NCALD: variants seen among roughly 807,000 people sequenced by gnomAD.
The protein encoded by NCALD is neurocalcin-delta.
A neutral mutation model predicts 18.6 loss-of-function variants in NCALD; 10 were observed. That is an observed-to-expected ratio of 0.54 (90% CI 0.33 to 0.91). The LOEUF (loss-of-function observed/expected upper bound fraction) is 0.91. Ranked by LOEUF, NCALD falls within the 40% of genes least tolerant of loss-of-function variation. The pLI, the probability that NCALD is intolerant of heterozygous loss-of-function variation, is 0.03. For synonymous variants in NCALD, 88 were observed against 87.4 expected (o/e 1.01, Z -0.04); for missense variants, 184 against 247.6 (o/e 0.74, Z 1.72).
At chr8:101,927,341 T>C (rs1329022902) in intron 2 of NCALD, among the ~76,000 whole-genome samples, 2 of 152,118 alleles carry the variant, frequency 1.3e-5, no homozygotes, top group Non-Finnish European at 2.9e-5. Context: ...GGGGGACGGA[T>C]GGAATACAAG....
At chr8:101,947,183 T>C (rs1010548959) in intron 2 of NCALD, among the ~76,000 whole-genome samples, 2 of 152,174 alleles carry the variant, frequency 1.3e-5, no homozygotes, top group Non-Finnish European at 2.9e-5. Flanking sequence ...AAAACAAAAG[T>C]AGACCAGTCA....
At chr8:102,070,064 A>G (rs553857417) in intron 1 of NCALD, 6 of 152,198 alleles carry the variant, frequency 3.9e-5, no homozygotes, top group East Asian at 3.9e-4. Context: ...CAGTGAGCCA[A>G]TATGGCACCA....
intron 1 of NCALD, among the ~76,000 whole-genome samples, chr8:101,734,254 T>C (rs1816976642): frequency 1.3e-5 from 2 of 152,182 alleles, no homozygotes; most frequent in African/African-American, 4.8e-5. Context: ...AACGTTCTCA[T>C]TGCCCTAATT....
chr8:101,710,879 G>C lies in NCALD; in HGVS notation c.378+8373C>G, dbSNP rs141825748. On this transcript the variant is annotated intron_variant, in intron 2 of 3. Transcript: ENST00000220931. ...CATTCCTGCCTGACAGCTCTGAAGA[G>C]AGCAGCGATCTCCCAGCACAGTGCT... Among the ~76,000 whole-genome samples, 378 of 152,330 alleles carry C rather than the reference G, an allele frequency of 2.5e-3. 6 individuals are homozygous for C. The highest frequency in any genetic ancestry group is 5.2e-3 in the Admixed American group (80 of 15,310).
chr8:102,091,295 T>G (rs950143325), intron 1 of NCALD, among the ~76,000 whole-genome samples: 1 of 152,044 alleles, frequency 6.6e-6, no homozygotes, highest in African/African-American at 2.4e-5. Context: ...CTAGTAAAAA[T>G]GGGAAACTGG....
At chr8:102,041,039 A>C (rs748301574) in intron 1 of NCALD, among the ~76,000 whole-genome samples, 1 of 152,192 alleles carries the variant, frequency 6.6e-6, no homozygotes, top group African/African-American at 2.4e-5. Context: ...AGACCTTCTC[A>C]GTCATCTCTC....
chr8:101,789,610 C>T (rs775538117), intron 1 of NCALD, among the ~76,000 whole-genome samples: 12 of 152,076 alleles, frequency 7.9e-5, no homozygotes, highest in East Asian at 1.9e-4. Context: ...CACTAAATTA[C>T]GATATAATTC....
At chr8:101,976,010 C>T (rs1425893261) in intron 2 of NCALD, among the ~76,000 whole-genome samples, 1 of 152,078 alleles carries the variant, frequency 6.6e-6, no homozygotes, top group African/African-American at 2.4e-5. Flanking sequence ...GAAAAGTATG[C>T]ACTCCCCCAG....
At chr8:101,990,331 T>C (rs1425196762) in intron 2 of NCALD, among the ~76,000 whole-genome samples, 1 of 152,122 alleles carries the variant, frequency 6.6e-6, no homozygotes, top group Non-Finnish European at 1.5e-5. Flanking sequence ...GGGAGGGAGA[T>C]AGCATTCCAC....
chr8:101,906,497 A>C (rs892501076), intron 3 of NCALD, among the ~76,000 whole-genome samples: 2 of 152,204 alleles, frequency 1.3e-5, no homozygotes, highest in African/African-American at 4.8e-5. Flanking sequence ...CACAAAAACA[A>C]ATGGGTGGGC....
chr8:101,894,315 G>A (rs1282377606), intron 3 of NCALD, among the ~76,000 whole-genome samples: 1 of 125,788 alleles, frequency 7.9e-6, no homozygotes, highest in South Asian at 2.8e-4. Context: ...TGAAACCAAC[G>A]AGAACAAAGA....
At chr8:101,735,062 C>A (rs1218500797) in intron 1 of NCALD, among the ~76,000 whole-genome samples, 1 of 151,744 alleles carries the variant, frequency 6.6e-6, no homozygotes, top group African/African-American at 2.4e-5. Flanking sequence ...AGGAAGGAAG[C>A]AAGGAAGGGA....
At chr8:102,120,591 G>A (rs774414051) in intron 1 of NCALD, among the ~76,000 whole-genome samples, 3 of 152,138 alleles carry the variant, frequency 2.0e-5, no homozygotes, top group African/African-American at 4.8e-5. Context: ...ATGAGGTCCC[G>A]CTAACAATGT....
intron 2 of NCALD, among the ~76,000 whole-genome samples, chr8:101,931,021 T>C (rs895462814): frequency 7.2e-5 from 11 of 152,190 alleles, no homozygotes; most frequent in African/African-American, 2.2e-4. Flanking sequence ...ATCAGTACCA[T>C]ATAAGCAGAG....
chr8:102,003,169 C>T (rs1025738420), intron 2 of NCALD, among the ~76,000 whole-genome samples: 1,833 of 152,100 alleles, frequency 0.012, 11 homozygotes, highest in Non-Finnish European at 0.018. Flanking sequence ...AAGAATCAAA[C>T]AGATGCAATA....
intron 4 of NCALD, among the ~76,000 whole-genome samples, chr8:101,869,617 C>G (rs1815921726): frequency 6.6e-6 from 1 of 152,156 alleles, no homozygotes; most frequent in African/African-American, 2.4e-5. Context: ...GAAGGGAAGA[C>G]AAGGTGCAGG....
intron 2 of NCALD, among the ~76,000 whole-genome samples, chr8:101,999,919 A>G (rs1474961872): frequency 6.6e-6 from 1 of 152,168 alleles, no homozygotes. Flanking sequence ...CCAAGATGGC[A>G]GAATAGGAAC....
chr8:101,857,536 A>G (rs1487487190), intron 4 of NCALD, among the ~76,000 whole-genome samples: 1 of 152,240 alleles, frequency 6.6e-6, no homozygotes, highest in African/African-American at 2.4e-5. Context: ...TGATCCTGCT[A>G]GCACACCTCC....
In NCALD at chr8:101,777,817, G is replaced by C. The variant is rs986468046; in HGVS notation, c.-20+13045C>G. On this transcript the variant is annotated intron_variant, in intron 1 of 3. Transcript: ENST00000220931. ...AGAACTGGGATGGAAATCAAGAAAA[G>C]TTACCATCAGCAGACAGAAATTTTA... is the stretch of plus-strand genomic sequence containing the variant. Among the ~76,000 whole-genome samples the C allele has an allele frequency of 2.0e-5, 3 of 152,108 alleles. No homozygotes were observed. The South Asian group carries it at 6.2e-4, about 32-fold the overall frequency.
Sources: gnomAD v4.1 joint callset for allele counts (sites outside exome capture counted in the v4.1 genomes callset) on GRCh38, gnomAD v4.1.1 for gene constraint, MANE v1.5 for transcripts, NCBI Gene and HGNC (gene_info 2026-07-23, HGNC 2026-07-21) for gene names.